The following CTDSPL variants were observed in gnomAD, a reference collection of about 807,000 sequenced individuals.
The protein encoded by CTDSPL is CTD small phosphatase like, also known as CTD small phosphatase-like protein.
Under a neutral mutation model 30.5 loss-of-function variants are expected in CTDSPL, and 8 were observed. The ratio of observed to expected loss-of-function variants is 0.26; its 90% CI spans 0.15 to 0.47. CTDSPL has a LOEUF of 0.47. Ranked by LOEUF, CTDSPL falls within the 20% of genes least tolerant of loss-of-function variation. The pLI is 0.99. For synonymous variants in CTDSPL, 110 were observed against 137.9 expected, an observed-to-expected ratio of 0.80 and a Z score of 1.42; for missense variants, 248 against 366.1, an observed-to-expected ratio of 0.68 and a Z score of 2.63.
At chr3:37,873,596 AG>A (rs1698101804) in intron 1 of CTDSPL, among the ~76,000 whole-genome samples, 1 of 152,236 alleles carries the variant, frequency 6.6e-6, no homozygotes, top group Non-Finnish European at 1.5e-5. Context: ...AGTGGCAAAC[AG>A]GAAGACGTAT....
intron 1 of CTDSPL, among the ~76,000 whole-genome samples, chr3:37,935,626 G>A (rs1421122788): frequency 2.0e-5 from 3 of 152,224 alleles, no homozygotes; most frequent in African/African-American, 7.2e-5. Flanking sequence ...CTGAGAAGCA[G>A]AATTAGTGAG....
chr3:37,869,624 C>G (rs2125587685), intron 1 of CTDSPL, among the ~76,000 whole-genome samples: 1 of 152,212 alleles, frequency 6.6e-6, no homozygotes, highest in African/African-American at 2.4e-5. Context: ...CTTTATTGCA[C>G]TGACTAGAAC....
chr3:37,949,641 G>T (rs1307002799), intron 2 of CTDSPL, among the ~76,000 whole-genome samples: 1 of 152,154 alleles, frequency 6.6e-6, no homozygotes, highest in Non-Finnish European at 1.5e-5. Context: ...ATTATAGCTA[G>T]GATTTTCTCC....
rs1211420534 is a variant in CTDSPL at position 37,980,754 on chromosome 3, T to C, written c.718T>C (p.Ser240Pro). The C allele has an allele frequency of 6.2e-7, 1 of 1,614,086 alleles. No homozygotes were observed. The highest frequency in any genetic ancestry group is 2.2e-5 in the East Asian group (1 of 44,896). The change falls in exon 8 of 8, where the codon TCC becomes CCC. Residue 240 changes from serine (S) to proline (P), a missense_variant. Physicochemically the swap from Ser to Pro is moderately conservative, Grantham distance 74. Transcript: ENST00000273179. ...CACTGTCTTCCAGGTGCCTGTGCAG[T>C]CCTGGTTCGATGACATGACGGACAC... Reference protein sequence around the residue: ...FHPENAVPVQSWFDDMTDTEL... With the variant: ...FHPENAVPVQPWFDDMTDTEL...
chr3:37,905,216 C>T (rs1698499966), intron 1 of CTDSPL, among the ~76,000 whole-genome samples: 1 of 152,230 alleles, frequency 6.6e-6, no homozygotes, highest in Non-Finnish European at 1.5e-5. Flanking sequence ...AGTGTTTTCA[C>T]AGTTTCCCTG....
chr3:37,904,293 A>T (rs1170081830), intron 1 of CTDSPL, among the ~76,000 whole-genome samples: 1 of 152,196 alleles, frequency 6.6e-6, no homozygotes, highest in Non-Finnish European at 1.5e-5. Context: ...GTTCCCTTTG[A>T]GGAAGGGTCT....
intron 1 of CTDSPL, among the ~76,000 whole-genome samples, chr3:37,916,411 A>G (rs1394561545): frequency 6.6e-6 from 1 of 152,168 alleles, no homozygotes; most frequent in African/African-American, 2.4e-5. Flanking sequence ...TAGTACTTCA[A>G]AATGTTACCT....
At position 37,984,430 on chromosome 3, in the gene CTDSPL, A is replaced by T. The variant is rs1270633120; in HGVS notation, c.*3563A>T. The T allele has an allele frequency of 5.0e-6, 2 of 402,892 alleles. No homozygotes were observed. The highest frequency in any genetic ancestry group is 2.6e-5 in the Admixed American group (1 of 38,816). The allele number at this position is 402,892 out of a possible 1,614,324, so 25.0% of individuals were successfully genotyped here. On this transcript the variant is annotated 3_prime_UTR_variant, in exon 8 of 8. Transcript: ENST00000273179. ...AGTATTGTCAATCAAAAGGTTTGCA[A>T]TGATTTCCTTCCTGCCAAAAATAAA...
rs1451810400 is a variant in CTDSPL, at chr3:37,862,284, G to A, written c.79+6G>A. On this transcript the variant is annotated splice_donor_region_variant and intron_variant, in intron 1 of 7. Transcript: ENST00000273179. The surrounding 1 kb of genome is among the most constrained non-coding windows in gnomAD (Gnocchi z 4.3). ...GCCGGGCGCGGGCGAGAAAGGTGAG[G>A]AGGGGCGCAGGCGGCCGCGGGCTGG... 3.4e-6 allele frequency: 5 copies of A among 1,491,056 alleles called. No homozygotes were observed. The highest frequency in any genetic ancestry group is 2.9e-5 in the African/African-American group (2 of 68,392). The allele number at this position is 1,491,056 out of a possible 1,614,324, so 92.4% of individuals were successfully genotyped here. A position where few individuals can be genotyped will look rare whatever the true frequency, so the allele number is the denominator to read the frequency against.
At chr3:37,956,945 C>CT (rs1482573405) in intron 2 of CTDSPL, among the ~76,000 whole-genome samples, 166 bp from the exon 3 acceptor site, 2 of 152,106 alleles carry the variant, frequency 1.3e-5, no homozygotes, top group Non-Finnish European at 2.9e-5. Flanking sequence ...AGCCTCATGC[C>CT]TTAACTGTGG....
chr3:37,882,976 A>G (rs898959852), intron 1 of CTDSPL, among the ~76,000 whole-genome samples: 7 of 152,244 alleles, frequency 4.6e-5, no homozygotes, highest in Admixed American at 2.6e-4. Context: ...TCTAGCCACA[A>G]ATGGTTTAAC....
At chr3:37,869,227 T>C (rs916554464) in intron 1 of CTDSPL, among the ~76,000 whole-genome samples, 16 of 152,234 alleles carry the variant, frequency 1.1e-4, no homozygotes, top group African/African-American at 3.6e-4. Context: ...AGTGATCAGA[T>C]CAAGGTAATT....
chr3:37,927,684 G>GTGTGTATATA (rs372845166), intron 1 of CTDSPL, among the ~76,000 whole-genome samples: 5 of 117,758 alleles, frequency 4.2e-5, no homozygotes, highest in African/African-American at 1.8e-4. Context: ...GTGTGTATGT[G>GTGTGTATATA]TATATATATA....
At chr3:37,901,446 T>C (rs962592240) in intron 1 of CTDSPL, among the ~76,000 whole-genome samples, 2 of 152,176 alleles carry the variant, frequency 1.3e-5, no homozygotes, top group African/African-American at 4.8e-5. Flanking sequence ...CCCTTCCTCA[T>C]TCTCCCTTCC....
At chr3:37,967,125 G>A (rs927088989) in intron 4 of CTDSPL, among the ~76,000 whole-genome samples, 1 of 152,164 alleles carries the variant, frequency 6.6e-6, no homozygotes, top group Admixed American at 6.5e-5. Flanking sequence ...GCATAGGGTG[G>A]GCTGGCTCTG....
At chr3:37,895,311 A>G (rs1698378743) in intron 1 of CTDSPL, among the ~76,000 whole-genome samples, 1 of 152,074 alleles carries the variant, frequency 6.6e-6, no homozygotes, top group African/African-American at 2.4e-5. Context: ...CGGCTTAGTT[A>G]TTTTATCCTT....
In CTDSPL at chr3:37,982,940, C is replaced by T. The variant is rs1043645241; in HGVS notation, c.*2073C>T. ...AACCATGCCCCCTTCGTTGGCATCA[C>T]AGGGCCTTATTTGGAAGAGCGGGCA... On this transcript the variant is annotated 3_prime_UTR_variant, in exon 8 of 8. Coordinates refer to ENST00000273179, the MANE Select transcript of CTDSPL (RefSeq NM_001008392.2). The T allele has an allele frequency of 5.0e-6, 1 of 201,336 alleles. No homozygotes were observed. The highest frequency in any genetic ancestry group is 1.1e-5 in the Non-Finnish European group (1 of 95,160). 12.5% of individuals were successfully genotyped at this position (201,336 alleles called of 1,614,324 possible). A position where few individuals can be genotyped will look rare whatever the true frequency, so the allele number is the denominator to read the frequency against.
At chr3:37,866,654 T>C (rs1257759099) in intron 1 of CTDSPL, among the ~76,000 whole-genome samples, 2 of 152,224 alleles carry the variant, frequency 1.3e-5, no homozygotes, top group Non-Finnish European at 2.9e-5. Flanking sequence ...CAGTTAATTA[T>C]TTTGTAAGCT....
At chr3:37,957,655 C>T (rs570544334) in intron 3 of CTDSPL, among the ~76,000 whole-genome samples, 17 of 152,326 alleles carry the variant, frequency 1.1e-4, no homozygotes, top group East Asian at 3.9e-4. Flanking sequence ...ACTATATTCT[C>T]GGGACTTGCA....
Sources: allele counts gnomAD v4.1 joint callset (sites outside exome capture counted in the v4.1 genomes callset), GRCh38; gene constraint gnomAD v4.1.1; non-coding constraint Gnocchi (gnomAD v3.1); transcripts MANE v1.5; gene names NCBI Gene and HGNC (gene_info 2026-07-23, HGNC 2026-07-21).